SORCS3: variants seen among roughly 807,000 people sequenced by gnomAD.
The protein encoded by SORCS3 is sortilin related VPS10 domain containing receptor 3.
Under a neutral mutation model 146.3 loss-of-function variants are expected in SORCS3, and 57 were observed. The ratio of observed to expected loss-of-function variants is 0.39; its 90% CI spans 0.31 to 0.49. SORCS3 has a LOEUF of 0.49. SORCS3 is among the 20% of genes least tolerant of loss of function. The pLI, the probability that SORCS3 is intolerant of heterozygous loss-of-function variation, is 0.92. For missense variants in SORCS3, 1,341 were observed against 1,575.5 expected, an observed-to-expected ratio of 0.85 and a Z score of 2.52; for synonymous variants, 653 against 618.5, an observed-to-expected ratio of 1.06 and a Z score of -0.83.
chr10:104,795,195 G>T (rs1188903153), intron 1 of SORCS3, among the ~76,000 whole-genome samples: 1 of 152,096 alleles, frequency 6.6e-6, no homozygotes, highest in Non-Finnish European at 1.5e-5. Context: ...CTCGGGTATG[G>T]CTACACTTGA....
intron 20 of SORCS3, among the ~76,000 whole-genome samples, chr10:105,223,960 A>T (rs2056719326): frequency 6.6e-6 from 1 of 152,186 alleles, no homozygotes; most frequent in Non-Finnish European, 1.5e-5. Flanking sequence ...TTCACAGCAA[A>T]ATCAACAGGT....
At chr10:104,727,110 G>C (rs1226353074) in intron 1 of SORCS3, among the ~76,000 whole-genome samples, 1 of 152,194 alleles carries the variant, frequency 6.6e-6, no homozygotes, top group Non-Finnish European at 1.5e-5. Flanking sequence ...TGAGGATCAT[G>C]TCATATTCTG....
intron 3 of SORCS3, among the ~76,000 whole-genome samples, chr10:104,942,663 C>T (rs2019332389): frequency 6.6e-6 from 1 of 152,088 alleles, no homozygotes; most frequent in Non-Finnish European, 1.5e-5. Context: ...TAATTTGCCA[C>T]AATTACATAA....
At chr10:104,760,597 A>G (rs1204964292) in intron 1 of SORCS3, among the ~76,000 whole-genome samples, 3 of 152,212 alleles carry the variant, frequency 2.0e-5, no homozygotes, top group Non-Finnish European at 4.4e-5. Context: ...ATATTATTGT[A>G]ATAACTTTGA....
rs142618055 is a variant in SORCS3, at chr10:104,809,196, A to G, written c.628-33596A>G. 6.6e-4 allele frequency among the ~76,000 whole-genome samples: 101 copies of G among 152,346 alleles called. 1 individual carries two copies. The highest frequency in any genetic ancestry group is 2.4e-3 in the African/African-American group (98 of 41,572). On this transcript the variant is annotated intron_variant, in intron 1 of 26. Coordinates refer to ENST00000369701, the MANE Select transcript of SORCS3 (RefSeq NM_014978.3). ...TAGCCTATTTGTCATTCATCTCCCA[A>G]GACTTAGTGTCTTAATTAGTTGCCT...
intron 3 of SORCS3, among the ~76,000 whole-genome samples, chr10:104,944,675 T>C (rs766755581): frequency 6.6e-6 from 1 of 152,194 alleles, no homozygotes; most frequent in South Asian, 2.1e-4. Context: ...ATAACCAACA[T>C]ATTAGCTAAA....
chr10:105,183,111 C>T (rs1341499578), intron 14 of SORCS3, among the ~76,000 whole-genome samples: 1 of 152,160 alleles, frequency 6.6e-6, no homozygotes, highest in Non-Finnish European at 1.5e-5. Flanking sequence ...CAAGGACATT[C>T]CTGGTGGGTG....
At position 105,264,789 on chromosome 10, in the gene SORCS3, T is replaced by C. The variant is rs1289007070; in HGVS notation, c.*1415T>C. 4 of 152,646 alleles carry C rather than the reference T, an allele frequency of 2.6e-5. No homozygotes were observed. Among genetic ancestry groups the C allele is most frequent in the Non-Finnish European group, 4.4e-5 (3 of 68,052 alleles). The allele number at this position is 152,646 out of a possible 1,614,324, so 9.5% of individuals were successfully genotyped here. ...CTTCACACATTTACACATACCAATT[T>C]TTTTCAATAGGGTCACGTTAAGCCA... is the stretch of plus-strand genomic sequence containing the variant. On this transcript the variant is annotated 3_prime_UTR_variant, in exon 27 of 27. Coordinates refer to ENST00000369701, the MANE Select transcript of SORCS3 (RefSeq NM_014978.3).
intron 1 of SORCS3, among the ~76,000 whole-genome samples, chr10:104,669,307 T>G (rs1040285624): frequency 6.6e-6 from 1 of 152,204 alleles, no homozygotes. Context: ...ATTAAGTACA[T>G]TCATAATGTT....
At chr10:104,889,134 G>T (rs2018722546) in intron 2 of SORCS3, among the ~76,000 whole-genome samples, 1 of 151,130 alleles carries the variant, frequency 6.6e-6, no homozygotes, top group Non-Finnish European at 1.5e-5. Context: ...TTTTTTATTG[G>T]TATATATTTT....
intron 11 of SORCS3, among the ~76,000 whole-genome samples, chr10:105,164,086 C>T (rs1294223772): frequency 6.6e-6 from 1 of 152,196 alleles, no homozygotes; most frequent in African/African-American, 2.4e-5. Flanking sequence ...TGACTCATGA[C>T]ATTGAATGAT....
At chr10:104,682,294 T>C (rs561739446) in intron 1 of SORCS3, among the ~76,000 whole-genome samples, 197 of 152,320 alleles carry the variant, frequency 1.3e-3, no homozygotes, top group Non-Finnish European at 2.3e-3. Context: ...TAATAGTTGG[T>C]GAATGAATGA....
intron 14 of SORCS3, among the ~76,000 whole-genome samples, chr10:105,183,747 G>A (rs188237737): frequency 1.6e-4 from 24 of 152,284 alleles, no homozygotes; most frequent in African/African-American, 5.5e-4. Context: ...TTTGTGCCAA[G>A]GAACACAAAA....
At chr10:104,757,432 T>A (rs1177052465) in intron 1 of SORCS3, among the ~76,000 whole-genome samples, 1 of 152,224 alleles carries the variant, frequency 6.6e-6, no homozygotes, top group East Asian at 1.9e-4. Flanking sequence ...AGGCAAGGGA[T>A]ACTTGTCCTT....
chr10:104,924,154 C>A (rs2019115292), intron 3 of SORCS3, among the ~76,000 whole-genome samples: 3 of 152,160 alleles, frequency 2.0e-5, no homozygotes, highest in Admixed American at 6.5e-5. Context: ...CTTAGACTCA[C>A]TGCATATTGG....
intron 4 of SORCS3, among the ~76,000 whole-genome samples, chr10:104,981,298 G>C (rs1199018194): frequency 1.3e-5 from 2 of 152,090 alleles, no homozygotes; most frequent in East Asian, 1.9e-4. Flanking sequence ...ATTCATTCTT[G>C]GGTATCTTTG....
intron 1 of SORCS3, among the ~76,000 whole-genome samples, chr10:104,813,929 CTTTTT>C (rs35625517): frequency 8.6e-6 from 1 of 116,144 alleles, no homozygotes; most frequent in Non-Finnish European, 1.9e-5. Context: ...TCTTTTCTTT[CTTTTT>C]TTTTTTTTTT....
chr10:104,995,572 G>A (rs2055022161), intron 4 of SORCS3, among the ~76,000 whole-genome samples: 1 of 152,072 alleles, frequency 6.6e-6, no homozygotes, highest in African/African-American at 2.4e-5. Flanking sequence ...CTATCTATAT[G>A]TTTTCTATGG....
intron 5 of SORCS3, among the ~76,000 whole-genome samples, chr10:105,054,426 A>G (rs1033206267): frequency 2.6e-5 from 4 of 151,880 alleles, no homozygotes; most frequent in Non-Finnish European, 5.9e-5. Context: ...AGGCATAAAA[A>G]TATTTAGTAT....
Sources: gnomAD v4.1 joint callset for allele counts (sites outside exome capture counted in the v4.1 genomes callset) on GRCh38, gnomAD v4.1.1 for gene constraint, MANE v1.5 for transcripts, NCBI Gene and HGNC (gene_info 2026-07-23, HGNC 2026-07-21) for gene names.